NRG1: variants seen among roughly 807,000 people sequenced by gnomAD.
The protein encoded by NRG1 is pro-neuregulin-1, membrane-bound isoform.
NRG1 carries 18 observed loss-of-function variants against 63.8 expected under a neutral mutation model. That is an observed-to-expected ratio of 0.28 (90% CI 0.19 to 0.42). NRG1 has a LOEUF of 0.42. Among genes scored for constraint, NRG1 ranks in the 10% least tolerant of loss-of-function variants. The pLI, the probability that NRG1 is intolerant of heterozygous loss-of-function variation, is 1.00. For synonymous variants in NRG1, 302 were observed against 301.3 expected, an observed-to-expected ratio of 1.00 and a Z score of -0.02; for missense variants, 762 against 814.7, an observed-to-expected ratio of 0.94 and a Z score of 0.79.
intron 1 of NRG1, among the ~76,000 whole-genome samples, chr8:31,813,470 A>G (rs928605860): frequency 7.1e-6 from 1 of 140,120 alleles, no homozygotes; most frequent in Non-Finnish European, 1.6e-5. Context: ...TGTCACTTTG[A>G]TCATTGACTT....
At chr8:31,809,741 GTTTT>G (rs753730069) in intron 1 of NRG1, among the ~76,000 whole-genome samples, 1 of 68,030 alleles carries the variant, frequency 1.5e-5, no homozygotes, top group African/African-American at 6.6e-5. Flanking sequence ...TCTATTAATT[GTTTT>G]TTTTTTTTTT....
chr8:32,065,927 T>G (rs1470012578), intron 1 of NRG1, among the ~76,000 whole-genome samples: 2 of 152,252 alleles, frequency 1.3e-5, no homozygotes, highest in African/African-American at 2.4e-5. Context: ...TGCATTTCTC[T>G]GATGGCCAGT....
At chr8:31,776,970 A>G (rs1268895878) in intron 1 of NRG1, among the ~76,000 whole-genome samples, 1 of 152,172 alleles carries the variant, frequency 6.6e-6, no homozygotes, top group African/African-American at 2.4e-5. Flanking sequence ...TAGTTCAACC[A>G]TTGTGGAAGT....
intron 1 of NRG1, among the ~76,000 whole-genome samples, chr8:32,329,771 A>T (rs1462421292): frequency 6.6e-6 from 1 of 152,184 alleles, no homozygotes; most frequent in East Asian, 1.9e-4. Context: ...TTAAGGACAC[A>T]AAAATATTTC....
intron 1 of NRG1, among the ~76,000 whole-genome samples, chr8:31,699,595 T>C (rs1810429020): frequency 1.3e-5 from 2 of 152,220 alleles, no homozygotes; most frequent in South Asian, 4.1e-4. Flanking sequence ...TGAGTCTTTC[T>C]TTCTGAGAAG....
rs1487623890 is a variant in NRG1 at position 32,216,402 on chromosome 8, T to C, written c.38-379426T>C. ...AAGCACTATAGAAATGGCAGCAGAG[T>C]ATTTATATTATATATAATATAGGTT... On this transcript the variant is annotated intron_variant, in intron 1 of 10. Transcript: ENST00000519301. Among the ~76,000 whole-genome samples the C allele has an allele frequency of 2.7e-5, 4 of 148,670 alleles. No homozygotes were observed. In the East Asian group the frequency reaches 7.8e-4, roughly 29 times the overall value.
intron 1 of NRG1, among the ~76,000 whole-genome samples, chr8:32,467,415 G>C (rs1823208095): frequency 1.3e-5 from 2 of 152,118 alleles, no homozygotes; most frequent in Admixed American, 1.3e-4. Flanking sequence ...TGAGTATGCA[G>C]CCTTTTTATC....
chr8:31,694,171 T>C (rs561780468), intron 1 of NRG1, among the ~76,000 whole-genome samples: 1 of 152,148 alleles, frequency 6.6e-6, no homozygotes, highest in East Asian at 1.9e-4. Context: ...GGTGGGAAGG[T>C]GAGATGTAGT....
chr8:32,604,135 G>C (rs1464479970), intron 2 of NRG1, among the ~76,000 whole-genome samples: 1 of 152,164 alleles, frequency 6.6e-6, no homozygotes, highest in East Asian at 1.9e-4. Context: ...ACACGTGAGA[G>C]CAGCTCCAGC....
chr8:32,562,219 G>A (rs1836558242), intron 1 of NRG1, among the ~76,000 whole-genome samples: 1 of 152,128 alleles, frequency 6.6e-6, no homozygotes, highest in South Asian at 2.1e-4. Flanking sequence ...CCAAAAAGCT[G>A]GGGGTACAGA....
At chr8:31,957,819 A>C (rs1211901320) in intron 1 of NRG1, among the ~76,000 whole-genome samples, 1 of 152,106 alleles carries the variant, frequency 6.6e-6, no homozygotes, top group African/African-American at 2.4e-5. Context: ...TCTATCTTCT[A>C]TCATTTCTTA....
rs1244257157 is a variant in NRG1 at position 32,609,544 on chromosome 8, T to TTCCC, written c.400+3869_400+3872dup. Among the ~76,000 whole-genome samples the TTCCC allele has an allele frequency of 3.8e-3, 551 of 143,644 alleles. 20 individuals carry two copies. The highest frequency in any genetic ancestry group is 0.014 in the African/African-American group (521 of 37,096). The allele number at this position is 143,644 out of a possible 152,430, so 94.2% of individuals were successfully genotyped here. A position where few individuals can be genotyped will look rare whatever the true frequency, so the allele number is the denominator to read the frequency against. On this transcript the variant is annotated intron_variant, in intron 3 of 11. Coordinates refer to ENST00000356819, the Ensembl canonical transcript of NRG1. ...GAGAGTAGAATTCTCAAGAATTTCC[T>TTCCC]TCCCTCCCTCCTTCCTTCCTTCCTT...
In NRG1 at chr8:31,860,699, T is replaced by C. The variant is rs191371878; in HGVS notation, c.37+221268T>C. 8.5e-5 allele frequency among the ~76,000 whole-genome samples: 13 copies of C among 152,298 alleles called. 1 individual carries two copies. The East Asian group carries it at 2.5e-3, about 29-fold the overall frequency. On this transcript the variant is annotated intron_variant, in intron 1 of 10. Coordinates refer to the NRG1 transcript ENST00000519301. ...GATTATTTGGCGTGTTTGAATAATA[T>C]AAAAGCCAGTCTAGGTAATTTAAGG...
At chr8:31,639,846 C>A in intron 1 of NRG1, 1 of 1,145,470 alleles carries the variant, frequency 8.7e-7, no homozygotes, top group Non-Finnish European at 1.1e-6. Context: ...ACCCCTGCAC[C>A]CCCAATAAAT....
chr8:32,721,092 C>T (rs561006236), intron 5 of NRG1, among the ~76,000 whole-genome samples: 1 of 152,294 alleles, frequency 6.6e-6, no homozygotes, highest in East Asian at 1.9e-4. Context: ...AGGAATCTTA[C>T]CCACTTAGGA....
chr8:31,811,075 T>C (rs2131781856), intron 1 of NRG1, among the ~76,000 whole-genome samples: 1 of 152,270 alleles, frequency 6.6e-6, no homozygotes, highest in African/African-American at 2.4e-5. Flanking sequence ...AGAAAGAGGG[T>C]TTCAGGACTT....
intron 1 of NRG1, among the ~76,000 whole-genome samples, chr8:32,083,017 C>CT (rs1827698182): frequency 6.6e-6 from 1 of 152,114 alleles, no homozygotes; most frequent in Non-Finnish European, 1.5e-5. Context: ...GCTGACCTTC[C>CT]TGTCAACAAA....
At chr8:31,896,734 T>C (rs1831611059) in intron 1 of NRG1, among the ~76,000 whole-genome samples, 1 of 152,242 alleles carries the variant, frequency 6.6e-6, no homozygotes, top group Non-Finnish European at 1.5e-5. Context: ...AGTATTATTC[T>C]ACTTATCCTT....
chr8:32,074,134 A>G (rs940482663), intron 1 of NRG1, among the ~76,000 whole-genome samples: 13 of 152,190 alleles, frequency 8.5e-5, no homozygotes, highest in African/African-American at 3.1e-4. Context: ...ATACTAAACC[A>G]AGGATGCTAA....
Sources: allele counts gnomAD v4.1 joint callset (sites outside exome capture counted in the v4.1 genomes callset), GRCh38; gene constraint gnomAD v4.1.1; transcripts MANE v1.5; gene names NCBI Gene and HGNC (gene_info 2026-07-23, HGNC 2026-07-21).